Variants in PPP1R21 observed in about 807,000 individuals in gnomAD.
The protein encoded by PPP1R21 is KLRAQ motif containing 1.
PPP1R21 carries 85 observed loss-of-function variants against 112.8 expected under a neutral mutation model. That is an observed-to-expected ratio of 0.75 (90% confidence interval 0.63 to 0.90). PPP1R21 has a LOEUF of 0.90. PPP1R21 is among the 40% of genes least tolerant of loss of function. The probability of loss-of-function intolerance (pLI) is 0.00; values close to 1 mark genes in which losing one functional copy is unlikely to be tolerated. For synonymous variants in PPP1R21, 381 were observed against 322.3 expected (o/e 1.18, Z -1.95); for missense variants, 1,199 against 901.5 (o/e 1.33, Z -4.23).
intron 17 of PPP1R21, among the ~76,000 whole-genome samples, chr2:48,499,101 G>A (rs1441577432): frequency 6.7e-6 from 1 of 150,328 alleles, no homozygotes; most frequent in Non-Finnish European, 1.5e-5. Flanking sequence ...ATCACCTTGG[G>A]GGTTAGAGTT....
rs559724948 is a variant in PPP1R21 at position 48,485,410 on chromosome 2, G to C, written c.1319-1221G>C. Among the ~76,000 whole-genome samples the C allele has an allele frequency of 3.4e-4, 52 of 151,932 alleles. 1 individual carries two copies. Among genetic ancestry groups the C allele is most frequent in the African/African-American group, 1.3e-3 (52 of 41,434 alleles). ...AATCATTTCTTTTCAAAAATATATT[G>C]AATGTAATAGTAATTTGCCAATTGG... On this transcript the variant is annotated intron_variant, in intron 13 of 21. Transcript: ENST00000294952.
At chr2:48,454,477 G>C in intron 2 of PPP1R21, 118 bp from the exon 3 acceptor site, 1 of 1,289,130 alleles carries the variant, frequency 7.8e-7, no homozygotes. Context: ...CATACAACCT[G>C]AATTTCCTAA....
chr2:48,455,575 A>C (rs1372498060), intron 3 of PPP1R21, among the ~76,000 whole-genome samples: 1 of 152,214 alleles, frequency 6.6e-6, no homozygotes, highest in East Asian at 1.9e-4. Flanking sequence ...TATTAGGAGC[A>C]AATGTAGTTG....
At chr2:48,457,730 C>T (rs1243420368) in intron 3 of PPP1R21, among the ~76,000 whole-genome samples, 1 of 152,140 alleles carries the variant, frequency 6.6e-6, no homozygotes, top group Non-Finnish European at 1.5e-5. Flanking sequence ...TGGAGTTTAA[C>T]AACTCCGACT....
At chr2:48,463,664 A>G (rs1397865930) in intron 7 of PPP1R21, among the ~76,000 whole-genome samples, 3 of 152,162 alleles carry the variant, frequency 2.0e-5, no homozygotes, top group Admixed American at 6.5e-5. Flanking sequence ...CACTGTGGAC[A>G]CAAGAGTTAA....
At chr2:48,442,815 T>G (rs1667092179) in intron 1 of PPP1R21, among the ~76,000 whole-genome samples, 2 of 152,100 alleles carry the variant, frequency 1.3e-5, no homozygotes, top group African/African-American at 2.4e-5. Flanking sequence ...GTAGGAGAGA[T>G]AATTTGGACC....
intron 13 of PPP1R21, among the ~76,000 whole-genome samples, chr2:48,483,515 A>G (rs1669130798): frequency 6.6e-6 from 1 of 152,204 alleles, no homozygotes; most frequent in Non-Finnish European, 1.5e-5. Flanking sequence ...ACAGGAAACC[A>G]TAAAAGGGGC....
intron 3 of PPP1R21, among the ~76,000 whole-genome samples, chr2:48,456,424 G>A (rs1667728800): frequency 6.6e-6 from 1 of 152,180 alleles, no homozygotes; most frequent in South Asian, 2.1e-4. Flanking sequence ...GAAGAGCACA[G>A]GCTTCAGATT....
chr2:48,464,827 A>C, intron 7 of PPP1R21, 110 bp from the exon 8 acceptor site: 1 of 709,998 alleles, frequency 1.4e-6, no homozygotes, highest in South Asian at 1.9e-5. Flanking sequence ...ATCATTTTAA[A>C]TTCTTATGTA....
chr2:48,442,255 A>G (rs141372600), intron 1 of PPP1R21, among the ~76,000 whole-genome samples: 20 of 152,178 alleles, frequency 1.3e-4, no homozygotes, highest in Non-Finnish European at 1.9e-4. Context: ...TGGCTCTACT[A>G]TTTTTGGTTG....
rs774839557 is a variant in PPP1R21, at chr2:48,480,009, T to C, written c.1311T>C (p.Val437=). ...CTGCTCTGCATGGATTTCATGACGT[T>C]ATGAAAGGTAGGCCTTGAAAAAGAA... ...VGAALHGFHD[V]MKDISKHYSQ... Residue 437 remains valine, a synonymous_variant, in exon 13 of 22, where the codon GTT becomes GTC. Transcript: ENST00000294952. The C allele has an allele frequency of 3.1e-6, 5 of 1,603,130 alleles. No individual in the cohort carries two copies. The Admixed American group carries it at 8.3e-5, about 27-fold the overall frequency.
intron 17 of PPP1R21, among the ~76,000 whole-genome samples, chr2:48,501,432 G>A (rs1025758481): frequency 2.6e-5 from 4 of 152,160 alleles, no homozygotes; most frequent in Admixed American, 6.5e-5. Context: ...ACAGGTCTAA[G>A]GACTTTCCAA....
intron 20 of PPP1R21, 143 bp downstream of exon 20, chr2:48,510,256 T>C: frequency 1.8e-6 from 1 of 566,692 alleles, no homozygotes; most frequent in South Asian, 3.4e-5. Flanking sequence ...CATTTAAAAA[T>C]AACATCTTAC....
Position 48,480,267 on chromosome 2 carries a change from G to A in PPP1R21, c.1318+251G>A, listed in dbSNP as rs535876039. Among the ~76,000 whole-genome samples the A allele has an allele frequency of 5.9e-5, 9 of 152,296 alleles. No homozygotes were observed. The East Asian group carries it at 9.7e-4, about 16-fold the overall frequency. On this transcript the variant is annotated intron_variant, in intron 13 of 21. Coordinates refer to ENST00000294952, the MANE Select transcript of PPP1R21 (RefSeq NM_001135629.3). ...TGTACAGTACTTTAGCCAGAAATACGTTACACTGACTTTAGGCAGGTGTGT... is the reference window on the plus strand; with the variant it reads ...TGTACAGTACTTTAGCCAGAAATACATTACACTGACTTTAGGCAGGTGTGT...
At chr2:48,453,410 C>G (rs923099638) in intron 2 of PPP1R21, among the ~76,000 whole-genome samples, 2 of 151,834 alleles carry the variant, frequency 1.3e-5, no homozygotes, top group East Asian at 1.9e-4. Flanking sequence ...TCAGGCTGGT[C>G]TCCAGCTTTT....
rs186696580 is a variant in PPP1R21, at chr2:48,450,912, T to C, written c.58-96T>C. 1.4e-4 allele frequency: 126 copies of C among 931,088 alleles called. No homozygotes were observed. In the African/African-American group the frequency reaches 1.9e-3, roughly 14 times the overall value. 57.7% of individuals were successfully genotyped at this position (931,088 alleles called of 1,614,324 possible). On this transcript the variant is annotated intron_variant, in intron 1 of 21. Transcript: ENST00000294952. Reference sequence around the variant, plus strand: ...ATATATATGTGAGAAGCTACTTAGTTACTCAGTGTAATGATGCCTGTAAAA... The same window carrying C: ...ATATATATGTGAGAAGCTACTTAGTCACTCAGTGTAATGATGCCTGTAAAA...
At chr2:48,484,491 C>A in intron 13 of PPP1R21, among the ~76,000 whole-genome samples, 1 of 149,070 alleles carries the variant, frequency 6.7e-6, no homozygotes, top group Non-Finnish European at 1.5e-5. Context: ...TAATTAAAAT[C>A]TTTGGACTAA....
rs111484781 is a variant in PPP1R21 at position 48,480,846 on chromosome 2, C to T, written c.1318+830C>T. On this transcript the variant is annotated intron_variant, in intron 13 of 21. Coordinates refer to ENST00000294952, the MANE Select transcript of PPP1R21 (RefSeq NM_001135629.3). ...TTTTTAAAAACCTAAAGCTGTGTTT[C>T]ATAACATGGATAAGAGGCATATATT... Among the ~76,000 whole-genome samples, 600 of 152,264 alleles carry T rather than the reference C, an allele frequency of 3.9e-3. 8 individuals carry two copies. Among genetic ancestry groups the T allele is most frequent in the African/African-American group, 0.014 (572 of 41,538 alleles).
At chr2:48,507,828 C>T (rs1309081154) in intron 19 of PPP1R21, among the ~76,000 whole-genome samples, 5 of 120,440 alleles carry the variant, frequency 4.2e-5, no homozygotes, top group East Asian at 2.9e-4. Flanking sequence ...TGCAGTGGCA[C>T]GGTCTTGGCT....
Sources: gnomAD v4.1 joint callset for allele counts (sites outside exome capture counted in the v4.1 genomes callset) on GRCh38, gnomAD v4.1.1 for gene constraint, MANE v1.5 for transcripts, NCBI Gene and HGNC (gene_info 2026-07-23, HGNC 2026-07-21) for gene names.